HCN4: variants seen among roughly 807,000 people sequenced by gnomAD.
HCN4 encodes the protein potassium/sodium hyperpolarization-activated cyclic nucleotide-gated channel 4.
Under a neutral mutation model 76.9 loss-of-function variants are expected in HCN4, and 29 were observed. That is an observed-to-expected ratio of 0.38 (90% CI 0.28 to 0.51). The LOEUF (loss-of-function observed/expected upper bound fraction) is 0.51, where lower values mean the gene tolerates loss of function less well. Ranked by LOEUF, HCN4 falls within the 20% of genes least tolerant of loss-of-function variation. The pLI is 0.90. For synonymous variants in HCN4, 772 were observed against 762.5 expected, an observed-to-expected ratio of 1.01 and a Z score of -0.21; for missense variants, 1,416 against 1,715.2, an observed-to-expected ratio of 0.83 and a Z score of 3.08.
intron 6 of HCN4, among the ~76,000 whole-genome samples, chr15:73,324,739 T>C (rs2042888353): frequency 6.6e-6 from 1 of 152,068 alleles, no homozygotes; most frequent in South Asian, 2.1e-4. Flanking sequence ...TCCAGAACCA[T>C]GACACATACA....
chr15:73,332,843 G>T (rs2042940951), intron 2 of HCN4, among the ~76,000 whole-genome samples: 1 of 152,174 alleles, frequency 6.6e-6, no homozygotes. Flanking sequence ...GTCCTACCCA[G>T]TTCCTAGCTG....
chr15:73,322,429 GGAA>G lies in HCN4; in HGVS notation c.*49_*51del. 7.1e-7 allele frequency: 1 copy of G among 1,402,026 alleles called. No homozygotes were observed. Among genetic ancestry groups the G allele is most frequent in the Non-Finnish European group, 9.9e-7 (1 of 1,011,058 alleles). 86.8% of individuals were successfully genotyped at this position (1,402,026 alleles called of 1,614,324 possible). A position where few individuals can be genotyped will look rare whatever the true frequency, so the allele number is the denominator to read the frequency against. ...TCTCCTAATCACAGTTAAACCTGAA[GGAA>G]GAAGGAAGGGAGAGAAAAGAAGAAA... On this transcript the variant is annotated 3_prime_UTR_variant, in exon 8 of 8. Coordinates refer to ENST00000261917, the MANE Select transcript of HCN4 (RefSeq NM_005477.3).
Position 73,331,743 on chromosome 15 carries a change from C to T in HCN4, c.1371+388G>A, listed in dbSNP as rs1029572963. Among the ~76,000 whole-genome samples the T allele has an allele frequency of 2.6e-5, 4 of 152,184 alleles. No individual in the cohort carries two copies. In the East Asian group the frequency reaches 7.7e-4, roughly 29 times the overall value. ...TACTGGTATGAGCCACTGCACCCAG[C>T]CTCAGGCTCAGCTTTTAAGGACTTG... On this transcript the variant is annotated intron_variant, in intron 3 of 7. Coordinates refer to ENST00000261917, the MANE Select transcript of HCN4 (RefSeq NM_005477.3).
Position 73,367,411 on chromosome 15 carries a change from T to G in HCN4, c.785+75A>C. The G allele has an allele frequency of 6.2e-7, 1 of 1,604,906 alleles. No individual in the cohort carries two copies. Among genetic ancestry groups the G allele is most frequent in the Non-Finnish European group, 8.5e-7 (1 of 1,176,536 alleles). ...GCAAGGCAGGAAAGTTAACTCCGGC[T>G]GGGAGGCAGGGTCAGGAGGAGGCAT... is the stretch of plus-strand genomic sequence containing the variant. On this transcript the variant is annotated intron_variant, in intron 1 of 7. Transcript: ENST00000261917. The surrounding 1 kb of genome is among the most constrained non-coding windows in gnomAD (Gnocchi z 7.5).
intron 4 of HCN4, among the ~76,000 whole-genome samples, chr15:73,326,139 T>C (rs2042897869): frequency 6.6e-6 from 1 of 151,834 alleles, no homozygotes; most frequent in Non-Finnish European, 1.5e-5. Flanking sequence ...TGGACATTGC[T>C]CCCACCATCC....
At chr15:73,340,795 G>A (rs1402575652) in intron 2 of HCN4, among the ~76,000 whole-genome samples, 1 of 152,232 alleles carries the variant, frequency 6.6e-6, no homozygotes, top group African/African-American at 2.4e-5. Context: ...TGGACTGAAT[G>A]AAGTCCAGTC....
intron 6 of HCN4, 22 bp from the exon 7 acceptor site, chr15:73,324,275 G>C (rs200554790): frequency 4.9e-5 from 79 of 1,612,938 alleles, no homozygotes; most frequent in Non-Finnish European, 6.5e-5. Context: ...TCAGGACTCA[G>C]GATGAGGCAT....
chr15:73,349,401 T>A (rs535097767), intron 1 of HCN4, among the ~76,000 whole-genome samples: 1 of 152,094 alleles, frequency 6.6e-6, no homozygotes, highest in Non-Finnish European at 1.5e-5. Flanking sequence ...ATTTTACAGA[T>A]GAGGAGACTG....
At chr15:73,337,526 T>C (rs1567781687) in intron 2 of HCN4, among the ~76,000 whole-genome samples, 1 of 152,236 alleles carries the variant, frequency 6.6e-6, no homozygotes, top group Admixed American at 6.5e-5. Context: ...GAAGGTGGCA[T>C]GTTTTCCTGC....
chr15:73,337,905 G>C (rs1419931477), intron 2 of HCN4, among the ~76,000 whole-genome samples: 1 of 152,180 alleles, frequency 6.6e-6, no homozygotes, highest in Non-Finnish European at 1.5e-5. Flanking sequence ...GTGAAGCCTG[G>C]AACTGCGGTG....
At chr15:73,324,851 G>T in intron 6 of HCN4, 104 bp downstream of exon 6, 1 of 1,432,006 alleles carries the variant, frequency 7.0e-7, no homozygotes, top group Non-Finnish European at 9.6e-7. Flanking sequence ...CTCCCTCCAG[G>T]CTGTGGCCAA....
rs2043131320 is a variant in HCN4 at position 73,367,020 on chromosome 15, C to A, written c.785+466G>T. ...ACCCGGCCGCAGCTTCCCAGGGCAC[C>A]AGAAAGCAGACATAAATGCCTGCTG... is the stretch of plus-strand genomic sequence containing the variant. On this transcript the variant is annotated intron_variant, in intron 1 of 7. Coordinates refer to ENST00000261917, the MANE Select transcript of HCN4 (RefSeq NM_005477.3). The surrounding 1 kb of genome is among the most constrained non-coding windows in gnomAD (Gnocchi z 7.5). Among the ~76,000 whole-genome samples, 1 of 152,210 alleles carries A rather than the reference C, an allele frequency of 6.6e-6. No individual in the cohort carries two copies. The highest frequency in any genetic ancestry group is 2.1e-4 in the South Asian group (1 of 4,822).
Position 73,323,611 on chromosome 15 carries a change from G to C in HCN4, c.2482C>G (p.Arg828Gly). ...GAGQTPRHLK[R>G]LQSLIPSALG... ...GCAGAAGGGATCAGGGACTGCAGCC[G>C]TTTCAGGTGCCTTGGCGTCTGCCCG... Residue 828 changes from arginine to glycine, a missense_variant, in exon 8 of 8, where the codon CGG (arginine) becomes GGG (glycine). Around this residue, in one of 6 missense-constraint regions of HCN4, gnomAD observed 633 missense variants for 579.8 expected, o/e 1.09. Transcript: ENST00000261917. 3 of 1,600,912 alleles carry C rather than the reference G, an allele frequency of 1.9e-6. No individual in the cohort carries two copies. The highest frequency in any genetic ancestry group is 2.5e-6 in the Non-Finnish European group (3 of 1,178,152).
intron 1 of HCN4, among the ~76,000 whole-genome samples, chr15:73,356,482 G>A (rs2043081561): frequency 6.6e-6 from 1 of 150,890 alleles, no homozygotes; most frequent in South Asian, 2.1e-4. Flanking sequence ...AAAAATGCTG[G>A]GATTACAGGA....
chr15:73,334,257 T>G (rs913022430), intron 2 of HCN4, among the ~76,000 whole-genome samples: 17 of 152,120 alleles, frequency 1.1e-4, no homozygotes, highest in African/African-American at 4.1e-4. Flanking sequence ...GAAGGAATGG[T>G]GGGCCCTGGA....
rs781573072 is a variant in HCN4, at chr15:73,368,203, G to A, written c.68C>T (p.Ala23Val). 6.5e-7 allele frequency: 1 copy of A among 1,532,980 alleles called. No individual in the cohort carries two copies. Among genetic ancestry groups the A allele is most frequent in the Admixed American group, 2.0e-5 (1 of 51,070 alleles). The allele number at this position is 1,532,980 out of a possible 1,614,324, so 95.0% of individuals were successfully genotyped here. The change falls in exon 1 of 8, where the codon GCG becomes GTG. Residue 23 changes from alanine to valine, a missense_variant. Transcript: ENST00000261917. This position sits in a 1 kb window ranked among gnomAD's most constrained non-coding sequence, Gnocchi z 6.9. ...GTCCTCTTCCTCGTCCATGATCCAC[G>A]CCTTGGCCCCCACCTGCTGCGGGAG... ...YSLPQQVGAK[A>V]WIMDEEEDAE...
At position 73,323,607 on chromosome 15, in the gene HCN4, A is replaced by G; in HGVS notation, c.2486T>C (p.Leu829Pro). ...CAGCGCAGAAGGGATCAGGGACTGCAGCCGTTTCAGGTGCCTTGGCGTCTG... is the reference window on the plus strand; with the variant it reads ...CAGCGCAGAAGGGATCAGGGACTGCGGCCGTTTCAGGTGCCTTGGCGTCTG... ...AGQTPRHLKR[L>P]QSLIPSALGS... Residue 829 changes from leucine to proline, a missense_variant, in exon 8 of 8, where the codon CTG (leucine) becomes CCG (proline). Physicochemically the swap from Leu to Pro is moderately conservative, Grantham distance 98 (BLOSUM62 -3). Transcript: ENST00000261917. The G allele has an allele frequency of 6.2e-7, 1 of 1,601,262 alleles. No homozygotes were observed. The highest frequency in any genetic ancestry group is 1.1e-5 in the South Asian group (1 of 90,946).
intron 1 of HCN4, among the ~76,000 whole-genome samples, chr15:73,362,713 C>A (rs1397504904): frequency 6.6e-6 from 1 of 152,162 alleles, no homozygotes; most frequent in African/African-American, 2.4e-5. Context: ...TGGAAACTCC[C>A]TATGTGAGGC....
chr15:73,364,311 C>A (rs1434347209), intron 1 of HCN4, among the ~76,000 whole-genome samples: 1 of 152,204 alleles, frequency 6.6e-6, no homozygotes, highest in Non-Finnish European at 1.5e-5. Flanking sequence ...AGACAGACAC[C>A]TAGATACACA....
Sources: allele counts gnomAD v4.1 joint callset (sites outside exome capture counted in the v4.1 genomes callset), GRCh38; gene constraint gnomAD v4.1.1; regional missense constraint gnomAD v4.1.1; non-coding constraint Gnocchi (gnomAD v3.1); transcripts MANE v1.5; gene names NCBI Gene and HGNC (gene_info 2026-07-23, HGNC 2026-07-21).